COG5: variants seen among roughly 807,000 people sequenced by gnomAD.
COG5 encodes conserved oligomeric Golgi complex subunit 5.
In COG5, 86 loss-of-function variants were observed where a neutral mutation model predicts 110.4. The observed-to-expected ratio is 0.78, with a 90% confidence interval of 0.65 to 0.93. The LOEUF is 0.93. COG5 is among the 40% of genes least tolerant of loss of function. The pLI is 0.00. For synonymous variants in COG5, 360 were observed against 334.6 expected (o/e 1.08, Z -0.83); for missense variants, 1,077 against 987.0 (o/e 1.09, Z -1.22).
intron 14 of COG5, among the ~76,000 whole-genome samples, chr7:107,280,535 G>C (rs1440229384): frequency 6.6e-6 from 1 of 151,900 alleles, no homozygotes; most frequent in East Asian, 1.9e-4. Context: ...TGAAAACGTA[G>C]TTAGCTAACA....
At chr7:107,490,330 A>G (rs1797907442) in intron 6 of COG5, among the ~76,000 whole-genome samples, 1 of 152,142 alleles carries the variant, frequency 6.6e-6, no homozygotes. Context: ...GTGTCTTGCC[A>G]GTGTCCATCT....
At chr7:107,248,900 T>C (rs979749213) in intron 16 of COG5, among the ~76,000 whole-genome samples, 6 of 152,234 alleles carry the variant, frequency 3.9e-5, no homozygotes, top group African/African-American at 1.4e-4. Flanking sequence ...CATCATATGC[T>C]TTTAACCAGA....
chr7:107,445,551 G>C (rs772869652), intron 6 of COG5, among the ~76,000 whole-genome samples: 7 of 152,194 alleles, frequency 4.6e-5, no homozygotes, highest in Non-Finnish European at 1.0e-4. Context: ...AATGAAAGAT[G>C]AATTGGAAAA....
intron 18 of COG5, among the ~76,000 whole-genome samples, chr7:107,235,721 C>A (rs1442872153): frequency 5.9e-5 from 9 of 152,122 alleles, no homozygotes; most frequent in African/African-American, 1.9e-4. Flanking sequence ...AAAGATTTTA[C>A]CCTTGGTATG....
intron 6 of COG5, among the ~76,000 whole-genome samples, chr7:107,506,304 G>A (rs1244844671): frequency 1.3e-5 from 2 of 152,192 alleles, no homozygotes; most frequent in African/African-American, 4.8e-5. Flanking sequence ...CCCAGGGGCA[G>A]TGCTTTGGTT....
At chr7:107,281,249 A>T in intron 14 of COG5, 51 bp downstream of exon 14, 1 of 1,137,096 alleles carries the variant, frequency 8.8e-7, no homozygotes, top group Non-Finnish European at 1.3e-6. Context: ...TTATATAGTT[A>T]GTAATTTTAA....
intron 6 of COG5, among the ~76,000 whole-genome samples, chr7:107,517,581 A>C (rs1163927357): frequency 2.0e-5 from 3 of 152,174 alleles, no homozygotes; most frequent in African/African-American, 7.2e-5. Context: ...AAAAAATGTT[A>C]AGAGCAGCCA....
At chr7:107,508,219 A>G (rs1799182674) in intron 6 of COG5, among the ~76,000 whole-genome samples, 1 of 152,212 alleles carries the variant, frequency 6.6e-6, no homozygotes, top group Non-Finnish European at 1.5e-5. Context: ...AAAACGGCAC[A>G]CCAGGGGATT....
intron 11 of COG5, among the ~76,000 whole-genome samples, chr7:107,301,454 T>TA (rs1227602300): frequency 6.6e-6 from 1 of 152,112 alleles, no homozygotes; most frequent in East Asian, 1.9e-4. Flanking sequence ...TCAAAGAAGG[T>TA]ATATGAATGG....
chr7:107,476,184 T>TAAAA (rs34741713), intron 6 of COG5, among the ~76,000 whole-genome samples: 4 of 44,054 alleles, frequency 9.1e-5, no homozygotes, highest in African/African-American at 2.0e-4. Context: ...GCAATGATTT[T>TAAAA]AAAAAAAAAA....
chr7:107,513,010 C>T (rs1231756889), intron 6 of COG5, among the ~76,000 whole-genome samples: 2 of 152,034 alleles, frequency 1.3e-5, no homozygotes, highest in Non-Finnish European at 2.9e-5. Flanking sequence ...GTCTAAAACA[C>T]CAAAAGCAAT....
intron 12 of COG5, among the ~76,000 whole-genome samples, chr7:107,288,941 T>C (rs1480551404): frequency 3.5e-5 from 4 of 115,222 alleles, no homozygotes; most frequent in Non-Finnish European, 6.7e-5. Flanking sequence ...TATATATATA[T>C]ATATATATAT....
chr7:107,383,520 G>A (rs188143243), intron 7 of COG5, among the ~76,000 whole-genome samples: 1 of 152,182 alleles, frequency 6.6e-6, no homozygotes, highest in Non-Finnish European at 1.5e-5. Flanking sequence ...GGTAAGAGTG[G>A]ATAATTCCTA....
At chr7:107,532,769 A>C (rs1801305383) in intron 5 of COG5, among the ~76,000 whole-genome samples, 1 of 152,192 alleles carries the variant, frequency 6.6e-6, no homozygotes. Context: ...TGCACAATAC[A>C]CAGAAAATAC....
chr7:107,395,043 C>T (rs1790887130), intron 7 of COG5, among the ~76,000 whole-genome samples: 1 of 152,196 alleles, frequency 6.6e-6, no homozygotes, highest in Non-Finnish European at 1.5e-5. Context: ...GTTCACAAAA[C>T]TCTGACTTAT....
chr7:107,250,789 A>G lies in COG5; in HGVS notation c.1750-2290T>C, dbSNP rs137925817. Reference sequence around the variant, plus strand: ...AGAAGAATTATACGTAGAGATGACCAAGGAAAGAGTCAATGAACCTGAAGA... The same window carrying G: ...AGAAGAATTATACGTAGAGATGACCGAGGAAAGAGTCAATGAACCTGAAGA... On this transcript the variant is annotated intron_variant, in intron 16 of 21. Coordinates refer to ENST00000297135, the MANE Select transcript of COG5 (RefSeq NM_006348.5). Among the ~76,000 whole-genome samples, 685 of 152,270 alleles carry G rather than the reference A, an allele frequency of 4.5e-3. 6 individuals are homozygous for G. Among genetic ancestry groups the G allele is most frequent in the African/African-American group, 0.016 (654 of 41,580 alleles).
Position 107,287,254 on chromosome 7 carries a change from T to C in COG5, c.1314-3522A>G, listed in dbSNP as rs143194101. ...TATGGTTAGGCCCTTGCAGTTTGGA[T>C]TGGGCTTGTGAGATAGTGTGTCAGG... On this transcript the variant is annotated intron_variant, in intron 12 of 21. Coordinates refer to ENST00000297135, the MANE Select transcript of COG5 (RefSeq NM_006348.5). Among the ~76,000 whole-genome samples the C allele has an allele frequency of 9.3e-3, 1,420 of 152,280 alleles. 23 individuals carry two copies. Among genetic ancestry groups the C allele is most frequent in the African/African-American group, 0.032 (1,320 of 41,564 alleles).
chr7:107,365,176 G>A (rs1813491204), intron 8 of COG5, among the ~76,000 whole-genome samples: 1 of 152,008 alleles, frequency 6.6e-6, no homozygotes. Context: ...ATAGACTCAA[G>A]AAACAAAATA....
At chr7:107,337,320 A>G (rs551512428) in intron 10 of COG5, among the ~76,000 whole-genome samples, 51 of 152,334 alleles carry the variant, frequency 3.3e-4, no homozygotes, top group African/African-American at 1.1e-3. Context: ...AGAAAAGGAT[A>G]TAGTGTATCA....
Sources: gnomAD v4.1 joint callset for allele counts (sites outside exome capture counted in the v4.1 genomes callset) on GRCh38, gnomAD v4.1.1 for gene constraint, MANE v1.5 for transcripts, NCBI Gene and HGNC (gene_info 2026-07-23, HGNC 2026-07-21) for gene names.